The following SGCD variants were observed in gnomAD, a reference collection of about 807,000 sequenced individuals.
SGCD encodes the protein delta-sarcoglycan.
Under a neutral mutation model 36.6 loss-of-function variants are expected in SGCD, and 18 were observed. The observed-to-expected ratio is 0.49, with a 90% CI of 0.34 to 0.73. The LOEUF is 0.73. Among genes scored for constraint, SGCD ranks in the 30% least tolerant of loss-of-function variants. The pLI, the probability that SGCD is intolerant of heterozygous loss-of-function variation, is 0.01. For synonymous variants in SGCD, 133 were observed against 130.6 expected (o/e 1.02, Z -0.12); for missense variants, 387 against 346.7 (o/e 1.12, Z -0.92).
At chr5:156,139,180 G>C (rs1341162218) in intron 3 of SGCD, among the ~76,000 whole-genome samples, 1 of 152,032 alleles carries the variant, frequency 6.6e-6, no homozygotes, top group Non-Finnish European at 1.5e-5. Flanking sequence ...TATTAATTTT[G>C]ATGAAGTCCA....
At chr5:156,584,133 T>C (rs1760395019) in intron 4 of SGCD, among the ~76,000 whole-genome samples, 1 of 152,192 alleles carries the variant, frequency 6.6e-6, no homozygotes, top group Non-Finnish European at 1.5e-5. Flanking sequence ...TTTTTCTATC[T>C]CCCTTAAGCA....
chr5:156,522,199 G>C (rs1007247735), intron 4 of SGCD, among the ~76,000 whole-genome samples: 1 of 152,026 alleles, frequency 6.6e-6, no homozygotes, highest in Non-Finnish European at 1.5e-5. Context: ...GTCAGGGGGT[G>C]GGGGGCTGAG....
intron 3 of SGCD, among the ~76,000 whole-genome samples, chr5:156,365,864 G>A (rs1770071855): frequency 6.6e-6 from 1 of 151,946 alleles, no homozygotes; most frequent in Admixed American, 6.6e-5. Context: ...ACGTGGGTAT[G>A]TGTATACATT....
At chr5:156,722,296 A>T (rs980975143) in intron 7 of SGCD, among the ~76,000 whole-genome samples, 8 of 152,232 alleles carry the variant, frequency 5.3e-5, no homozygotes, top group Non-Finnish European at 8.8e-5. Context: ...AGTAGCAAAG[A>T]CAAATTCTGC....
intron 1 of SGCD, among the ~76,000 whole-genome samples, chr5:155,891,649 G>A (rs555116444): frequency 4.6e-5 from 6 of 130,946 alleles, no homozygotes; most frequent in East Asian, 2.3e-4. Context: ...CAGTGTTCCC[G>A]ACTAAGGCTT....
intron 4 of SGCD, among the ~76,000 whole-genome samples, chr5:156,576,667 T>G (rs56390385): frequency 0.36 from 55,303 of 152,082 alleles, 12,483 homozygotes; most frequent in African/African-American, 0.65. Context: ...GCATTTCTCT[T>G]ATGACCAGTG....
intron 2 of SGCD, among the ~76,000 whole-genome samples, chr5:156,335,784 A>G (rs1768322823): frequency 6.6e-6 from 1 of 151,980 alleles, no homozygotes; most frequent in African/African-American, 2.4e-5. Flanking sequence ...CCCATGTCTC[A>G]AGCCACAGAG....
chr5:156,229,647 C>T (rs574297829), intron 3 of SGCD, among the ~76,000 whole-genome samples: 23 of 151,928 alleles, frequency 1.5e-4, no homozygotes, highest in Non-Finnish European at 2.6e-4. Flanking sequence ...TGTGCCTAGG[C>T]GATGATATTT....
the SGCD span, among the ~76,000 whole-genome samples, chr5:155,784,873 T>C: frequency 6.6e-6 from 1 of 152,126 alleles, no homozygotes; most frequent in Non-Finnish European, 1.5e-5. Flanking sequence ...TATGACTTTA[T>C]TTTTTTAATT....
At chr5:156,688,216 T>A (rs1753978535) in intron 7 of SGCD, among the ~76,000 whole-genome samples, 2 of 152,144 alleles carry the variant, frequency 1.3e-5, no homozygotes, top group Admixed American at 1.3e-4. Flanking sequence ...CTCCTCCCAA[T>A]AATTATTCTA....
chr5:156,459,761 T>C (rs1754406047), intron 3 of SGCD, among the ~76,000 whole-genome samples: 2 of 152,206 alleles, frequency 1.3e-5, no homozygotes, highest in South Asian at 4.1e-4. Flanking sequence ...TTAACTAAAC[T>C]GATGTGTAAA....
At chr5:156,401,484 G>A (rs1772144289) in intron 3 of SGCD, among the ~76,000 whole-genome samples, 1 of 152,144 alleles carries the variant, frequency 6.6e-6, no homozygotes, top group African/African-American at 2.4e-5. Context: ...AATTACAGAG[G>A]GCTGCCTAGT....
intron 1 of SGCD, among the ~76,000 whole-genome samples, chr5:156,047,418 T>G (rs79462960): frequency 3.9e-5 from 6 of 152,298 alleles, no homozygotes; most frequent in Non-Finnish European, 8.8e-5. Context: ...CTGGCCTCAT[T>G]GCTTCAAAAA....
intron 3 of SGCD, among the ~76,000 whole-genome samples, chr5:156,371,891 G>A (rs1227322854): frequency 1.3e-5 from 2 of 152,162 alleles, no homozygotes; most frequent in East Asian, 1.9e-4. Context: ...CTACACTAAC[G>A]TGTCTTTTAT....
chr5:155,864,569 A>G, the SGCD span, among the ~76,000 whole-genome samples: 6 of 152,202 alleles, frequency 3.9e-5, no homozygotes, highest in Non-Finnish European at 8.8e-5. Flanking sequence ...AAATGATTCT[A>G]TATTTGAGAT....
intron 3 of SGCD, among the ~76,000 whole-genome samples, chr5:156,435,074 AT>A (rs1753187495): frequency 6.6e-6 from 1 of 152,218 alleles, no homozygotes; most frequent in African/African-American, 2.4e-5. Context: ...ATAAAAGCAA[AT>A]ACTTAACTCA....
chr5:156,240,361 A>G (rs963396904), intron 3 of SGCD, among the ~76,000 whole-genome samples: 14 of 152,206 alleles, frequency 9.2e-5, no homozygotes, highest in Non-Finnish European at 4.4e-5. Flanking sequence ...ATTAAGCCCT[A>G]TCAGTCTGAA....
At chr5:156,062,163 A>C (rs1760232360) in intron 1 of SGCD, among the ~76,000 whole-genome samples, 2 of 86,888 alleles carry the variant, frequency 2.3e-5, no homozygotes, top group East Asian at 2.8e-4. Flanking sequence ...GTTCCCACCT[A>C]TGAGTGAGAA....
intron 3 of SGCD, among the ~76,000 whole-genome samples, chr5:156,391,015 T>G (rs1771531837): frequency 6.6e-6 from 1 of 152,194 alleles, no homozygotes; most frequent in African/African-American, 2.4e-5. Flanking sequence ...AGCAATATCC[T>G]AGGCTCTCAC....
Sources: gnomAD v4.1 joint callset for allele counts (sites outside exome capture counted in the v4.1 genomes callset) on GRCh38, gnomAD v4.1.1 for gene constraint, MANE v1.5 for transcripts, NCBI Gene and HGNC (gene_info 2026-07-23, HGNC 2026-07-21) for gene names.